The following TFEC variants were observed in gnomAD, a reference collection of about 807,000 sequenced individuals.
TFEC encodes the protein class E basic helix-loop-helix protein 34.
In TFEC, 31 loss-of-function variants were observed where a neutral mutation model predicts 41.6. The observed-to-expected ratio is 0.74, with a 90% CI of 0.56 to 1.01. TFEC has a LOEUF of 1.01. TFEC is among the 50% of genes least tolerant of loss of function. The pLI, the probability that TFEC is intolerant of heterozygous loss-of-function variation, is 0.00. For synonymous variants in TFEC, 143 were observed against 140.6 expected (o/e 1.02, Z -0.12); for missense variants, 402 against 404.1 (o/e 0.99, Z 0.04).
chr7:116,036,238 T>G (rs886496525), intron 3 of TFEC, among the ~76,000 whole-genome samples: 3 of 152,050 alleles, frequency 2.0e-5, no homozygotes, highest in African/African-American at 7.2e-5. Flanking sequence ...TTGTGTAAAA[T>G]GCATGCCTCA....
chr7:115,943,392 T>C (rs944865339), intron 6 of TFEC, among the ~76,000 whole-genome samples: 6 of 151,620 alleles, frequency 4.0e-5, no homozygotes, highest in Admixed American at 1.3e-4. Flanking sequence ...TTTTTTCTCA[T>C]GGAAAGAAAA....
chr7:115,999,657 T>C (rs1019132105), intron 1 of TFEC, among the ~76,000 whole-genome samples: 5 of 151,738 alleles, frequency 3.3e-5, no homozygotes, highest in Admixed American at 3.3e-4. Flanking sequence ...ACAACTGATA[T>C]CACAGACATT....
At chr7:115,961,874 C>T (rs1022201490) in intron 3 of TFEC, among the ~76,000 whole-genome samples, 1 of 151,586 alleles carries the variant, frequency 6.6e-6, no homozygotes, top group Non-Finnish European at 1.5e-5. Context: ...ATGAAATGAT[C>T]TCTGCTAACT....
rs951214636 is a variant in TFEC at position 115,956,809 on chromosome 7, G to A, written c.268-16C>T. 1.3e-6 allele frequency: 2 copies of A among 1,510,220 alleles called. No homozygotes were observed. Among genetic ancestry groups the A allele is most frequent in the East Asian group, 4.7e-5 (2 of 42,646 alleles). The allele number at this position is 1,510,220 out of a possible 1,614,324, so 93.6% of individuals were successfully genotyped here. On this transcript the variant is annotated splice_polypyrimidine_tract_variant and intron_variant, in intron 3 of 7. Coordinates refer to ENST00000265440, the MANE Select transcript of TFEC (RefSeq NM_012252.4). ...TTCCAGATAACTTGAGAGGAAAAAG[G>A]AAGAAAAGATTAATAAAAACCTTCT...
upstream of TFEC, among the ~76,000 whole-genome samples, chr7:116,035,194 C>T (rs188101861): frequency 3.5e-3 from 531 of 152,028 alleles, 10 homozygotes; most frequent in Admixed American, 0.033. Context: ...TTCCCTACTG[C>T]CTAAATTTTG....
At chr7:116,108,420 C>T (rs970846948) in intron 3 of TFEC, among the ~76,000 whole-genome samples, 6 of 152,172 alleles carry the variant, frequency 3.9e-5, no homozygotes, top group Non-Finnish European at 7.4e-5. Context: ...ATACACCACA[C>T]CAATGGTGCA....
At chr7:116,056,724 T>C (rs1796440007) in intron 3 of TFEC, among the ~76,000 whole-genome samples, 1 of 152,054 alleles carries the variant, frequency 6.6e-6, no homozygotes, top group South Asian at 2.1e-4. Flanking sequence ...CAGAACAAAG[T>C]TCAAAACTAT....
intron 3 of TFEC, among the ~76,000 whole-genome samples, chr7:115,964,479 A>G (rs1792741473): frequency 6.6e-6 from 1 of 151,142 alleles, no homozygotes; most frequent in Non-Finnish European, 1.5e-5. Flanking sequence ...TCAGCAAAAT[A>G]TTATTAACAC....
rs1323531853 is a variant in TFEC, at chr7:115,941,980, T to C, written c.576A>G (p.Leu192=). 1.4e-5 allele frequency: 23 copies of C among 1,613,174 alleles called. No individual in the cohort carries two copies. The highest frequency in any genetic ancestry group is 1.9e-5 in the Non-Finnish European group (22 of 1,179,398). ...CTCGGGCTCTCTGTTGTTCTTTTTG[T>C]AGCCACTTGATGTACTCCACTGATG... The part of the protein sequence containing the change: ...LKASVEYIKW[L]QKEQQRAREL... The change falls in exon 7 of 8, where the codon CTA becomes CTG. Residue 192 remains leucine (L), a synonymous_variant. Coordinates refer to ENST00000265440, the MANE Select transcript of TFEC (RefSeq NM_012252.4).
intron 3 of TFEC, among the ~76,000 whole-genome samples, chr7:116,046,693 C>T (rs964016097): frequency 2.6e-5 from 4 of 152,064 alleles, no homozygotes; most frequent in African/African-American, 4.8e-5. Context: ...TGTTTTATAC[C>T]GTAAGTTCTA....
At chr7:116,127,252 C>T (rs971597550) in intron 1 of TFEC, among the ~76,000 whole-genome samples, 1 of 151,946 alleles carries the variant, frequency 6.6e-6, no homozygotes, top group Non-Finnish European at 1.5e-5. Flanking sequence ...CCCGCCACCA[C>T]GCCCAGCTAA....
intron 6 of TFEC, among the ~76,000 whole-genome samples, chr7:115,947,051 C>T (rs904332497): frequency 7.6e-5 from 11 of 144,882 alleles, no homozygotes; most frequent in African/African-American, 2.8e-4. Context: ...GGTATATCTC[C>T]CAATGCTATC....
At chr7:116,075,131 C>A (rs1183792511) in intron 3 of TFEC, among the ~76,000 whole-genome samples, 1 of 152,136 alleles carries the variant, frequency 6.6e-6, no homozygotes, top group Non-Finnish European at 1.5e-5. Context: ...GTAATGTTTG[C>A]ACAACTCTGT....
At chr7:116,037,402 T>A (rs887467919) in intron 3 of TFEC, among the ~76,000 whole-genome samples, 9 of 151,992 alleles carry the variant, frequency 5.9e-5, no homozygotes, top group Non-Finnish European at 8.8e-5. Context: ...AAAATCAGTA[T>A]CATATAGAAA....
chr7:116,045,290 C>T (rs764377007), intron 3 of TFEC, among the ~76,000 whole-genome samples: 2 of 152,210 alleles, frequency 1.3e-5, no homozygotes, highest in Non-Finnish European at 2.9e-5. Flanking sequence ...TATATTTTAG[C>T]AATGAGACTG....
intron 3 of TFEC, among the ~76,000 whole-genome samples, chr7:116,072,694 A>G (rs1796858448): frequency 1.3e-5 from 2 of 151,606 alleles, no homozygotes; most frequent in African/African-American, 4.8e-5. Flanking sequence ...TAAATTTTTT[A>G]AATATCAACT....
chr7:116,081,572 T>C (rs1371074175), intron 3 of TFEC, among the ~76,000 whole-genome samples: 1 of 152,036 alleles, frequency 6.6e-6, no homozygotes, highest in African/African-American at 2.4e-5. Context: ...GAGCTGCCGC[T>C]GGTAACTGCT....
chr7:116,096,561 T>C (rs1797465758), intron 3 of TFEC, among the ~76,000 whole-genome samples: 1 of 152,058 alleles, frequency 6.6e-6, no homozygotes, highest in Non-Finnish European at 1.5e-5. Context: ...CTCCATGACA[T>C]ATGATACTGA....
At chr7:115,974,104 A>G (rs1248204781) in intron 3 of TFEC, 66 bp downstream of exon 3, 1 of 1,327,126 alleles carries the variant, frequency 7.5e-7, no homozygotes, top group Non-Finnish European at 1.0e-6. Context: ...TGCTAATCAA[A>G]TATTTTTATT....
Sources: gnomAD v4.1 joint callset for allele counts (sites outside exome capture counted in the v4.1 genomes callset) on GRCh38, gnomAD v4.1.1 for gene constraint, MANE v1.5 for transcripts, NCBI Gene and HGNC (gene_info 2026-07-23, HGNC 2026-07-21) for gene names.